Variants in TAB2 observed in about 807,000 individuals in gnomAD.
The protein encoded by TAB2 is TGF-beta activated kinase 1 (MAP3K7) binding protein 2.
A neutral mutation model predicts 65.0 loss-of-function variants in TAB2; 3 were observed. The observed-to-expected ratio is 0.05, with a 90% CI of 0.02 to 0.12. The LOEUF is 0.12. TAB2 is among the 10% of genes least tolerant of loss of function. TAB2 has a pLI of 1.00. For missense variants in TAB2, 623 were observed against 840.3 expected, an observed-to-expected ratio of 0.74 and a Z score of 3.20; for synonymous variants, 298 against 285.1, an observed-to-expected ratio of 1.05 and a Z score of -0.46.
At chr6:149,342,973 T>C (rs1029442548) in intron 1 of TAB2, 3 of 152,234 alleles carry the variant, frequency 2.0e-5, no homozygotes, top group Non-Finnish European at 2.9e-5. Context: ...CTAGGTAACA[T>C]GCAGCTAGTA....
At chr6:149,224,313 A>G (rs1319716133) in intron 1 of TAB2, among the ~76,000 whole-genome samples, 1 of 152,256 alleles carries the variant, frequency 6.6e-6, no homozygotes, top group Non-Finnish European at 1.5e-5. Flanking sequence ...TTTGGAAGAT[A>G]GCCAAAGCCT....
intron 3 of TAB2, among the ~76,000 whole-genome samples, chr6:149,381,820 G>A (rs1443628533): frequency 2.0e-5 from 3 of 151,926 alleles, no homozygotes; most frequent in African/African-American, 7.3e-5. Flanking sequence ...AGATCTGCCT[G>A]TCTCAGTCTC....
intron 1 of TAB2, among the ~76,000 whole-genome samples, chr6:149,332,339 A>G (rs959568094): frequency 2.0e-5 from 3 of 152,164 alleles, no homozygotes; most frequent in East Asian, 3.8e-4. Flanking sequence ...GTTTAAAACT[A>G]TACCTGTGAC....
chr6:149,399,506 A>T (rs1195176123), intron 6 of TAB2, among the ~76,000 whole-genome samples: 2 of 150,360 alleles, frequency 1.3e-5, no homozygotes, highest in Non-Finnish European at 3.0e-5. Flanking sequence ...TAGACAAATG[A>T]TAAGGAAGAT....
intron 1 of TAB2, among the ~76,000 whole-genome samples, chr6:149,281,411 G>A (rs1459267576): frequency 6.6e-6 from 1 of 151,046 alleles, no homozygotes; most frequent in Admixed American, 6.6e-5. Context: ...GGAGACAAAA[G>A]GAAATCGTAA....
intron 1 of TAB2, chr6:149,346,448 CTT>C (rs11399281): frequency 0.16 from 17,794 of 113,074 alleles, 1,435 homozygotes; most frequent in East Asian, 0.53. Context: ...GTTGGTGAAA[CTT>C]TTTTTTTTTT....
At chr6:149,397,340 C>G (rs1389366058) in intron 3 of TAB2, among the ~76,000 whole-genome samples, 1 of 151,866 alleles carries the variant, frequency 6.6e-6, no homozygotes, top group Non-Finnish European at 1.5e-5. Flanking sequence ...ACTTGGGAGG[C>G]TGAGGCAGGA....
At chr6:149,309,926 C>G (rs1583077551) in intron 1 of TAB2, among the ~76,000 whole-genome samples, 1 of 151,860 alleles carries the variant, frequency 6.6e-6, no homozygotes, top group Middle Eastern at 3.4e-3. Context: ...TTACAGCAAT[C>G]ATAGCATGCT....
intron 1 of TAB2, among the ~76,000 whole-genome samples, chr6:149,293,074 GA>G (rs1778805800): frequency 6.6e-6 from 1 of 152,120 alleles, no homozygotes; most frequent in Non-Finnish European, 1.5e-5. Flanking sequence ...GAGAACTCCA[GA>G]AATGGCCTTC....
chr6:149,366,918 A>G (rs534255267), intron 1 of TAB2, among the ~76,000 whole-genome samples: 9 of 152,056 alleles, frequency 5.9e-5, no homozygotes, highest in Admixed American at 3.3e-4. Context: ...AAAATGTCTC[A>G]ATCAGACTAT....
At chr6:149,328,910 C>T (rs945069959) in intron 1 of TAB2, among the ~76,000 whole-genome samples, 1 of 152,074 alleles carries the variant, frequency 6.6e-6, no homozygotes, top group Non-Finnish European at 1.5e-5. Flanking sequence ...GAGTGTATAT[C>T]AGATAGGCAA....
chr6:149,225,191 C>T (rs1368426758), intron 1 of TAB2, among the ~76,000 whole-genome samples: 4 of 152,102 alleles, frequency 2.6e-5, no homozygotes, highest in Admixed American at 6.6e-5. Context: ...TGTAATTATT[C>T]GAAAAGCAGG....
chr6:149,379,014 G>A lies in TAB2; in HGVS notation c.1099G>A (p.Val367Ile), dbSNP rs1307937528. Residue 367 changes from valine (V) to isoleucine (I), a missense_variant, in exon 3 of 7, where the codon GTT (valine) becomes ATT (isoleucine). Transcript: ENST00000637181. ...GACCTTAAACAGAAATCAGCCCACT[G>A]TTTACATAGCTGCCAGCCCCCCAAA... ...SQTLNRNQPT[V>I]YIAASPPNTD... 6.2e-7 allele frequency: 1 copy of A among 1,614,138 alleles called. No homozygotes were observed. Among genetic ancestry groups the A allele is most frequent in the Non-Finnish European group, 8.5e-7 (1 of 1,180,024 alleles).
chr6:149,303,894 C>T (rs747056794), intron 1 of TAB2, among the ~76,000 whole-genome samples: 1 of 152,114 alleles, frequency 6.6e-6, no homozygotes, highest in Non-Finnish European at 1.5e-5. Flanking sequence ...GTGGTGAGTG[C>T]CTTGAGGGAG....
chr6:149,400,234 A>G (rs1583160771), intron 6 of TAB2: 6 of 760,176 alleles, frequency 7.9e-6, no homozygotes, highest in Non-Finnish European at 1.2e-5. Flanking sequence ...GTGCTGGCGC[A>G]CACAGCGGGA....
chr6:149,261,252 T>A (rs1378831680), intron 1 of TAB2, among the ~76,000 whole-genome samples: 3 of 152,222 alleles, frequency 2.0e-5, no homozygotes, highest in Non-Finnish European at 4.4e-5. Flanking sequence ...ATCCAACATC[T>A]CTTCTATATA....
intron 1 of TAB2, among the ~76,000 whole-genome samples, chr6:149,329,392 A>G (rs372720142): frequency 4.6e-5 from 7 of 152,200 alleles, no homozygotes; most frequent in African/African-American, 7.2e-5. Flanking sequence ...CCCTGGGTGC[A>G]TAGTTGTGAT....
intron 6 of TAB2, among the ~76,000 whole-genome samples, chr6:149,403,307 T>TACAC (rs1782535960): frequency 4.2e-5 from 3 of 70,592 alleles, no homozygotes; most frequent in African/African-American, 1.8e-4. Flanking sequence ...TATATATATA[T>TACAC]ATATATACAC....
intron 1 of TAB2, among the ~76,000 whole-genome samples, chr6:149,333,487 AAG>A (rs1223185042): frequency 2.0e-5 from 3 of 152,172 alleles, no homozygotes; most frequent in African/African-American, 7.2e-5. Flanking sequence ...TTTTAAAAGA[AAG>A]GAATGTTAAT....
Sources: allele counts gnomAD v4.1 joint callset (sites outside exome capture counted in the v4.1 genomes callset), GRCh38; gene constraint gnomAD v4.1.1; transcripts MANE v1.5; gene names NCBI Gene and HGNC (gene_info 2026-07-23, HGNC 2026-07-21).